CHCHD6: variants seen among roughly 807,000 people sequenced by gnomAD.
CHCHD6 encodes the protein coiled-coil-helix-coiled-coil-helix domain containing 6.
A neutral mutation model predicts 32.3 loss-of-function variants in CHCHD6; 28 were observed. That is an observed-to-expected ratio of 0.87 (90% CI 0.64 to 1.19). The LOEUF (loss-of-function observed/expected upper bound fraction) is 1.19. CHCHD6 is among the 50% of genes most tolerant of loss of function. The pLI is 0.00. For synonymous variants in CHCHD6, 122 were observed against 117.5 expected (o/e 1.04, Z -0.25); for missense variants, 333 against 307.0 (o/e 1.08, Z -0.63).
At chr3:126,794,047 G>A (rs1011250693) in intron 4 of CHCHD6, among the ~76,000 whole-genome samples, 1 of 151,928 alleles carries the variant, frequency 6.6e-6, no homozygotes, top group South Asian at 2.1e-4. Flanking sequence ...TCAAAAATTT[G>A]ATTATGATTT....
intron 4 of CHCHD6, among the ~76,000 whole-genome samples, chr3:126,799,682 TGGG>T (rs1372335751): frequency 1.3e-5 from 2 of 152,150 alleles, no homozygotes; most frequent in African/African-American, 4.8e-5. Flanking sequence ...ACAGTCTGCT[TGGG>T]GGATGCCTGA....
chr3:126,862,276 T>TC (rs1941937940), intron 5 of CHCHD6, among the ~76,000 whole-genome samples: 1 of 119,438 alleles, frequency 8.4e-6, no homozygotes, highest in Non-Finnish European at 1.8e-5. Flanking sequence ...CTCCTCCTCC[T>TC]CTACCATCAC....
intron 5 of CHCHD6, among the ~76,000 whole-genome samples, chr3:126,865,243 A>G (rs1003173101): frequency 3.8e-5 from 5 of 130,066 alleles, no homozygotes; most frequent in African/African-American, 1.5e-4. Flanking sequence ...ATTTCCACCA[A>G]CTCTACCTTG....
intron 4 of CHCHD6, among the ~76,000 whole-genome samples, chr3:126,775,841 A>G (rs149217346): frequency 6.6e-6 from 1 of 152,024 alleles, no homozygotes; most frequent in African/African-American, 2.4e-5. Flanking sequence ...CGGTAAAGGA[A>G]CCCTGCTGGG....
chr3:126,854,466 GA>G (rs1941586568), intron 5 of CHCHD6, among the ~76,000 whole-genome samples: 1 of 152,194 alleles, frequency 6.6e-6, no homozygotes, highest in Middle Eastern at 3.2e-3. Flanking sequence ...GCAGAAGAAT[GA>G]GGCTTAATTG....
At chr3:126,785,817 A>G (rs1244077082) in intron 4 of CHCHD6, among the ~76,000 whole-genome samples, 2 of 151,782 alleles carry the variant, frequency 1.3e-5, no homozygotes, top group African/African-American at 4.8e-5. Context: ...TGTTTCTTTT[A>G]TACATATATA....
intron 4 of CHCHD6, among the ~76,000 whole-genome samples, chr3:126,763,761 G>T (rs1363100437): frequency 1.3e-5 from 2 of 152,176 alleles, no homozygotes; most frequent in East Asian, 1.9e-4. Flanking sequence ...TAAAATCTCT[G>T]CCAATTCATG....
intron 5 of CHCHD6, among the ~76,000 whole-genome samples, chr3:126,868,982 TTTCATCAGCA>T (rs2077427143): frequency 6.6e-6 from 1 of 152,214 alleles, no homozygotes; most frequent in Admixed American, 6.5e-5. Flanking sequence ...TCTCATGAGC[TTTCATCAGCA>T]TTGAGTAGTT....
chr3:126,902,487 C>T lies in CHCHD6; in HGVS notation c.496-12193C>T, dbSNP rs144630622. Among the ~76,000 whole-genome samples, 6 of 152,120 alleles carry T rather than the reference C, an allele frequency of 3.9e-5. No individual in the cohort carries two copies. In the South Asian group the frequency reaches 6.2e-4, roughly 16 times the overall value. On this transcript the variant is annotated intron_variant, in intron 5 of 7. Transcript: ENST00000290913. ...ATCCCAGCACTTTGGGAGGCCGAGG[C>T]GGGCAGATCATGAGGTCAGGAGATC...
chr3:126,828,103 C>T lies in CHCHD6; in HGVS notation c.412-24544C>T, dbSNP rs963397003. Among the ~76,000 whole-genome samples the T allele has an allele frequency of 3.3e-5, 5 of 152,180 alleles. No homozygotes were observed. The East Asian group carries it at 9.6e-4, about 29-fold the overall frequency. On this transcript the variant is annotated intron_variant, in intron 4 of 7. Coordinates refer to ENST00000290913, the MANE Select transcript of CHCHD6 (RefSeq NM_032343.3). ...CTCTTCGGTGCATCCTCCTCTCCTTCCCACCATGACGATTGGGCTCCCCAA... is the reference window on the plus strand; with the variant it reads ...CTCTTCGGTGCATCCTCCTCTCCTTTCCACCATGACGATTGGGCTCCCCAA...
intron 6 of CHCHD6, among the ~76,000 whole-genome samples, chr3:126,919,220 A>G (rs1316906410): frequency 6.6e-6 from 1 of 151,578 alleles, no homozygotes; most frequent in Non-Finnish European, 1.5e-5. Context: ...TTGGTTAGTC[A>G]TGTTCAAATT....
chr3:126,704,494 G>GT, intron 1 of CHCHD6, 95 bp downstream of exon 1: 1 of 749,804 alleles, frequency 1.3e-6, no homozygotes, highest in South Asian at 2.6e-5. Context: ...CTTTCCACGC[G>GT]TGAGGGGCGT....
chr3:126,857,159 AGTCAGGTT>A (rs1425108696), intron 5 of CHCHD6, among the ~76,000 whole-genome samples: 1 of 152,130 alleles, frequency 6.6e-6, no homozygotes, highest in Non-Finnish European at 1.5e-5. Context: ...TGAAACCCAC[AGTCAGGTT>A]TGGGAGGGAA....
chr3:126,787,039 A>C (rs1472233345), intron 4 of CHCHD6, among the ~76,000 whole-genome samples: 1 of 152,244 alleles, frequency 6.6e-6, no homozygotes, highest in African/African-American at 2.4e-5. Context: ...AGCTTTCTAC[A>C]TATGGCTAGC....
At chr3:126,925,613 A>G (rs371925346) in intron 6 of CHCHD6, among the ~76,000 whole-genome samples, 11 of 152,176 alleles carry the variant, frequency 7.2e-5, no homozygotes, top group African/African-American at 2.6e-4. Flanking sequence ...CCACAGCATC[A>G]GTGTTCTGTC....
At chr3:126,810,161 C>T (rs1168881886) in intron 4 of CHCHD6, among the ~76,000 whole-genome samples, 1 of 152,044 alleles carries the variant, frequency 6.6e-6, no homozygotes, top group Non-Finnish European at 1.5e-5. Flanking sequence ...TCAGAGAAAA[C>T]AAAGTTATAC....
intron 4 of CHCHD6, among the ~76,000 whole-genome samples, chr3:126,838,546 T>A (rs1386919444): frequency 6.6e-6 from 1 of 152,216 alleles, no homozygotes; most frequent in Non-Finnish European, 1.5e-5. Context: ...CTTAATCAGC[T>A]GCATCTCCCT....
At chr3:126,813,208 G>A (rs1939737034) in intron 4 of CHCHD6, among the ~76,000 whole-genome samples, 2 of 152,182 alleles carry the variant, frequency 1.3e-5, no homozygotes, top group South Asian at 2.1e-4. Context: ...CCTTGGGCAA[G>A]TCATGCCCCT....
Position 126,767,203 on chromosome 3 carries a change from C to T in CHCHD6, c.411+33981C>T, listed in dbSNP as rs577666021. On this transcript the variant is annotated intron_variant, in intron 4 of 7. Transcript: ENST00000290913. ...TCATACTGAATTCAGCCCCAAAGGC[C>T]ATTTTGGTAATTGGCTGGCCATTGT... 5.9e-5 allele frequency: 94 copies of T among 1,585,370 alleles called. No homozygotes were observed. In the African/African-American group the frequency reaches 9.1e-4, roughly 15 times the overall value.
Sources: allele counts gnomAD v4.1 joint callset (sites outside exome capture counted in the v4.1 genomes callset), GRCh38; gene constraint gnomAD v4.1.1; transcripts MANE v1.5; gene names NCBI Gene and HGNC (gene_info 2026-07-23, HGNC 2026-07-21).